Variants in BLOC1S6 observed in about 807,000 individuals in gnomAD.
The protein encoded by BLOC1S6 is biogenesis of lysosomal organelles complex 1 subunit 6, also known as biogenesis of lysosome-related organelles complex 1 subunit 6.
In BLOC1S6, 24 loss-of-function variants were observed where a neutral mutation model predicts 24.7. That is an observed-to-expected ratio of 0.97 (90% confidence interval 0.70 to 1.37). The LOEUF is 1.37. Ranked by LOEUF, BLOC1S6 falls within the 40% of genes most tolerant of loss-of-function variation. The probability of loss-of-function intolerance (pLI) is 0.00; values close to 1 mark genes in which losing one functional copy is unlikely to be tolerated. For missense variants in BLOC1S6, 175 were observed against 196.2 expected, an observed-to-expected ratio of 0.89 and a Z score of 0.64; for synonymous variants, 76 against 72.6, an observed-to-expected ratio of 1.05 and a Z score of -0.23.
At chr15:45,597,631 G>A (rs1383046602) in intron 2 of BLOC1S6, among the ~76,000 whole-genome samples, 4 of 152,082 alleles carry the variant, frequency 2.6e-5, no homozygotes, top group African/African-American at 9.7e-5. Flanking sequence ...ACTGGGGATG[G>A]GGAGCTACTA....
intron 2 of BLOC1S6, among the ~76,000 whole-genome samples, chr15:45,602,613 A>G (rs1281091517): frequency 6.6e-6 from 1 of 152,206 alleles, no homozygotes; most frequent in East Asian, 1.9e-4. Context: ...GGGGAAAGCT[A>G]TGATTTCCAG....
chr15:45,603,766 A>G (rs1212995423), intron 3 of BLOC1S6, among the ~76,000 whole-genome samples: 1 of 152,114 alleles, frequency 6.6e-6, no homozygotes, highest in African/African-American at 2.4e-5. Flanking sequence ...CCTTTGGGGT[A>G]CCATTTTTTT....
intron 4 of BLOC1S6, chr15:45,605,790 A>G (rs945945797): frequency 2.5e-4 from 91 of 362,960 alleles, no homozygotes; most frequent in African/African-American, 1.8e-3. Context: ...GCGTTCTACC[A>G]TGTTGGCCAG....
Position 45,606,527 on chromosome 15 carries a change from G to T in BLOC1S6, c.*13G>T, listed in dbSNP as rs376213388. On this transcript the variant is annotated 3_prime_UTR_variant, in exon 5 of 5. Coordinates refer to ENST00000220531, the MANE Select transcript of BLOC1S6 (RefSeq NM_012388.4). The stretch of plus-strand genomic sequence containing the variant: ...CAAAAGGATGTGAAAAGTTGTGTTT[G>T]TGTGTTTTCTTCTCCTGTCCCATAT... 3.7e-6 allele frequency: 6 copies of T among 1,614,110 alleles called. No individual in the cohort carries two copies. Among genetic ancestry groups the T allele is most frequent in the Non-Finnish European group, 5.1e-6 (6 of 1,180,014 alleles).
upstream of BLOC1S6, chr15:45,587,378 T>G: frequency 1.3e-5 from 18 of 1,439,036 alleles, no homozygotes; most frequent in Non-Finnish European, 1.6e-5. Context: ...CTGGAGTCGT[T>G]AGGTGCCGCC....
intron 1 of BLOC1S6, among the ~76,000 whole-genome samples, chr15:45,588,730 G>A (rs1422065733): frequency 6.6e-6 from 1 of 152,154 alleles, no homozygotes; most frequent in Admixed American, 6.5e-5. Flanking sequence ...CATTAACTTG[G>A]CATTTAGAGG....
At chr15:45,600,695 A>G (rs1202409297) in intron 2 of BLOC1S6, among the ~76,000 whole-genome samples, 2 of 152,136 alleles carry the variant, frequency 1.3e-5, no homozygotes, top group Non-Finnish European at 2.9e-5. Context: ...ACATTGTTGG[A>G]TTCAATTTGC....
chr15:45,596,830 C>A (rs1595555701), intron 2 of BLOC1S6, among the ~76,000 whole-genome samples: 1 of 152,070 alleles, frequency 6.6e-6, no homozygotes, highest in Non-Finnish European at 1.5e-5. Flanking sequence ...TGCGCGCCAC[C>A]ACACCCAGCT....
chr15:45,593,246 C>T (rs1405075933), intron 2 of BLOC1S6, among the ~76,000 whole-genome samples: 4 of 151,486 alleles, frequency 2.6e-5, no homozygotes, highest in African/African-American at 9.7e-5. Context: ...ATTAGCTGGG[C>T]GTGGTGGTGT....
intron 2 of BLOC1S6, among the ~76,000 whole-genome samples, chr15:45,600,730 A>G (rs575924883): frequency 7.2e-5 from 11 of 152,264 alleles, no homozygotes; most frequent in Non-Finnish European, 1.6e-4. Context: ...GGAGTTTTAT[A>G]TCGATGTTCA....
intron 2 of BLOC1S6, among the ~76,000 whole-genome samples, chr15:45,600,324 A>G (rs1419999985): frequency 1.3e-5 from 2 of 151,150 alleles, no homozygotes; most frequent in Admixed American, 6.6e-5. Flanking sequence ...TAAAACTTAA[A>G]GTATAATAAA....
At chr15:45,605,146 T>C (rs892070266) in intron 3 of BLOC1S6, among the ~76,000 whole-genome samples, 4 of 152,246 alleles carry the variant, frequency 2.6e-5, no homozygotes, top group Admixed American at 2.0e-4. Flanking sequence ...AATTTTAGAA[T>C]TATATGTTTT....
intron 2 of BLOC1S6, among the ~76,000 whole-genome samples, chr15:45,601,997 C>A (rs1178982247): frequency 1.3e-5 from 2 of 152,174 alleles, no homozygotes; most frequent in Admixed American, 6.5e-5. Flanking sequence ...CCTTCTGCCT[C>A]AGCCTCCCAA....
chr15:45,588,188 T>A (rs1893754815), intron 1 of BLOC1S6, among the ~76,000 whole-genome samples: 1 of 152,246 alleles, frequency 6.6e-6, no homozygotes, highest in Admixed American at 6.5e-5. Flanking sequence ...TACCTCCTGT[T>A]TCAGAAATAT....
rs549838962 is a variant in BLOC1S6, at chr15:45,608,764, C to A, written c.*2250C>A. On this transcript the variant is annotated 3_prime_UTR_variant, in exon 5 of 5. Coordinates refer to ENST00000220531, the MANE Select transcript of BLOC1S6 (RefSeq NM_012388.4). ...AACTCTCCAGATAATTTTGATGTCA[C>A]GAGTCACTAGTATAGACTATCTATC... is the stretch of plus-strand genomic sequence containing the variant. The A allele has an allele frequency of 6.6e-6, 1 of 152,040 alleles. No homozygotes were observed. Among genetic ancestry groups the A allele is most frequent in the African/African-American group, 2.4e-5 (1 of 41,398 alleles). The allele number at this position is 152,040 out of a possible 1,614,324, so 9.4% of individuals were successfully genotyped here. A position where few individuals can be genotyped will look rare whatever the true frequency, so the allele number is the denominator to read the frequency against.
At position 45,587,510 on chromosome 15, in the gene BLOC1S6, G is replaced by C; in HGVS notation, c.67G>C (p.Gly23Arg). The change falls in exon 1 of 5, where the codon GGG becomes CGG. Residue 23 changes from glycine (G) to arginine (R), a missense_variant. Gly to Arg is a moderately radical substitution (Grantham distance 125). Coordinates refer to ENST00000220531, the MANE Select transcript of BLOC1S6 (RefSeq NM_012388.4). ...ACGGCCACCCTACTGCCTGGAGGCC[G>C]GGGAGCCGACGCCTGGTACGTACTA... ...LTRPPYCLEA[G>R]EPTPGLSDTS... 2 of 1,577,116 alleles carry C rather than the reference G, an allele frequency of 1.3e-6. No homozygotes were observed. Among genetic ancestry groups the C allele is most frequent in the Non-Finnish European group, 8.6e-7 (1 of 1,161,662 alleles).
In BLOC1S6 at chr15:45,603,108, A is replaced by C; in HGVS notation, c.233A>C (p.Gln78Pro). 6.2e-7 allele frequency: 1 copy of C among 1,610,226 alleles called. No homozygotes were observed. The highest frequency in any genetic ancestry group is 2.2e-5 in the East Asian group (1 of 44,686). Reference sequence around the variant, plus strand: ...GTGTGTTTTTGTTTCAGACAGAACCAAGTTGTATTGTTAGACACACTGGAA... The same window carrying C: ...GTGTGTTTTTGTTTCAGACAGAACCCAGTTGTATTGTTAGACACACTGGAA... Reference protein sequence around the residue: ...KQALQELTQNQVVLLDTLEQE... With the variant: ...KQALQELTQNPVVLLDTLEQE... Residue 78 changes from glutamine (Q) to proline (P), a missense_variant, in exon 3 of 5, where the codon CAA becomes CCA. Coordinates refer to ENST00000220531, the MANE Select transcript of BLOC1S6 (RefSeq NM_012388.4).
chr15:45,595,323 T>A (rs943515186), intron 2 of BLOC1S6, among the ~76,000 whole-genome samples: 2 of 152,208 alleles, frequency 1.3e-5, no homozygotes, highest in African/African-American at 4.8e-5. Context: ...TCAGGTGTGA[T>A]CCAAGGAGCT....
chr15:45,601,142 C>A (rs569706951), intron 2 of BLOC1S6: 9 of 154,376 alleles, frequency 5.8e-5, no homozygotes, highest in Middle Eastern at 5.4e-4. Flanking sequence ...TAATAAAATA[C>A]AGCAGTTATA....
Sources: gnomAD v4.1 joint callset for allele counts (sites outside exome capture counted in the v4.1 genomes callset) on GRCh38, gnomAD v4.1.1 for gene constraint, MANE v1.5 for transcripts, NCBI Gene and HGNC (gene_info 2026-07-23, HGNC 2026-07-21) for gene names.